Variants in SAMD11 observed in about 807,000 individuals in gnomAD.
The protein encoded by SAMD11 is sterile alpha motif domain containing 11, also known as sterile alpha motif domain-containing protein 11.
SAMD11 carries 77 observed loss-of-function variants against 64.4 expected under a neutral mutation model. That is an observed-to-expected ratio of 1.20 (90% CI 0.99 to 1.44). SAMD11 has a LOEUF of 1.44. Among genes scored for constraint, SAMD11 ranks in the 40% most tolerant of loss-of-function variants. The pLI, the probability that SAMD11 is intolerant of heterozygous loss-of-function variation, is 0.00. For missense variants in SAMD11, 1,402 were observed against 943.3 expected (o/e 1.49, Z -6.37); for synonymous variants, 658 against 421.9 (o/e 1.56, Z -6.86).
intron 5 of SAMD11, among the ~76,000 whole-genome samples, chr1:936,433 C>A (rs1033399796): frequency 8.0e-6 from 1 of 124,590 alleles, no homozygotes. Context: ...GGTCCCCGGT[C>A]GGTCCCGCCT....
intron 5 of SAMD11, among the ~76,000 whole-genome samples, chr1:937,015 C>T (rs1641491763): frequency 6.6e-6 from 1 of 152,136 alleles, no homozygotes; most frequent in African/African-American, 2.4e-5. Context: ...CGGCAGCTCT[C>T]ACCCATGGAG....
At chr1:933,704 A>G (rs1641275226) in intron 4 of SAMD11, among the ~76,000 whole-genome samples, 1 of 151,784 alleles carries the variant, frequency 6.6e-6, no homozygotes, top group Non-Finnish European at 1.5e-5. Flanking sequence ...TAATCCCATA[A>G]AGTACTTACT....
intron 7 of SAMD11, 57 bp from the exon 8 acceptor site, chr1:941,087 G>A (rs549710836): frequency 7.0e-5 from 104 of 1,478,752 alleles, no homozygotes; most frequent in Non-Finnish European, 7.8e-5. Context: ...CAGGACGCGG[G>A]CTGGGGAGGA....
Position 940,281 on chromosome 1 carries a change from TCA to T in SAMD11, c.1196-862_1196-861del, listed in dbSNP as rs1344388678. On this transcript the variant is annotated intron_variant, in intron 7 of 13. Transcript: ENST00000616016. The stretch of plus-strand genomic sequence containing the variant: ...CGGCCGCCGGGGAGCGCGCTGTCAA[TCA>T]GGCCGCGCCGCCGCCCCCCCCCCCC... 18 of 135,848 alleles carry T rather than the reference TCA, an allele frequency of 1.3e-4. No homozygotes were observed. The East Asian group carries it at 4.3e-3, about 33-fold the overall frequency. The allele number at this position is 135,848 out of a possible 1,614,324, so 8.4% of individuals were successfully genotyped here. A position where few individuals can be genotyped will look rare whatever the true frequency, so the allele number is the denominator to read the frequency against.
rs1222949810 is a variant in SAMD11 at position 942,144 on chromosome 1, C to T, written c.1367C>T (p.Pro456Leu). The T allele has an allele frequency of 7.4e-6, 10 of 1,356,066 alleles. No individual in the cohort carries two copies. Among genetic ancestry groups the T allele is most frequent in the Non-Finnish European group, 9.8e-6 (10 of 1,015,706 alleles). The allele number at this position is 1,356,066 out of a possible 1,614,324, so 84.0% of individuals were successfully genotyped here. The stretch of plus-strand genomic sequence containing the variant: ...TGCGCTGCCGTCCACAGGGAGCTGC[C>T]TCAGCCGCCCCCCTTGCTGTCGCCG... Reference protein sequence around the residue: ...AAPSFSERELPQPPPLLSPQN... With the variant: ...AAPSFSERELLQPPPLLSPQN... The change falls in exon 9 of 14, where the codon CCT becomes CTT. Residue 456 changes from proline to leucine, a missense_variant. Coordinates refer to ENST00000616016, the MANE Select transcript of SAMD11 (RefSeq NM_001385641.1).
intron 2 of SAMD11, among the ~76,000 whole-genome samples, chr1:927,752 G>A (rs1197473330): frequency 2.0e-5 from 3 of 152,256 alleles, no homozygotes; most frequent in African/African-American, 7.2e-5. Context: ...GTGCTGTCAG[G>A]GGCCGAGTTT....
At chr1:927,126 C>T (rs1428961198) in intron 2 of SAMD11, among the ~76,000 whole-genome samples, 1 of 152,188 alleles carries the variant, frequency 6.6e-6, no homozygotes, top group Non-Finnish European at 1.5e-5. Flanking sequence ...ACACACAATC[C>T]GACATGGACC....
In SAMD11 at chr1:930,242, A is replaced by G; in HGVS notation, c.697A>G (p.Ser233Gly). 1 of 1,602,126 alleles carries G rather than the reference A, an allele frequency of 6.2e-7. No individual in the cohort carries two copies. Among genetic ancestry groups the G allele is most frequent in the Non-Finnish European group, 8.5e-7 (1 of 1,174,936 alleles). Residue 233 changes from serine to glycine, a missense_variant, in exon 3 of 14, where the codon AGC becomes GGC. Ser to Gly is a moderately conservative substitution (Grantham distance 56). Coordinates refer to ENST00000616016, the MANE Select transcript of SAMD11 (RefSeq NM_001385641.1). ...KKERTPSFSA[S>G]DGDSDGSGPT... is the part of the protein sequence containing the mutation. ...GGAGCGAACTCCCAGCTTCTCTGCC[A>G]GCGATGGTGACAGCGACGGGAGTGG...
Position 943,341 on chromosome 1 carries a change from C to T in SAMD11, c.2142C>T (p.Phe714=), listed in dbSNP as rs959136628. The T allele has an allele frequency of 5.0e-6, 8 of 1,598,052 alleles. No homozygotes were observed. Among genetic ancestry groups the T allele is most frequent in the East Asian group, 4.5e-5 (2 of 44,444 alleles). Reference sequence around the variant, plus strand: ...GGACCGTGGATGACGTCTGCAGCTTCGTGGGGGGCCTGTCTGGCTGTGGAG... The same window carrying T: ...GGACCGTGGATGACGTCTGCAGCTTTGTGGGGGGCCTGTCTGGCTGTGGAG... ...TKWTVDDVCS[F]VGGLSGCGEY... Residue 714 remains phenylalanine, a synonymous_variant, in exon 12 of 14, where the codon TTC becomes TTT. Coordinates refer to ENST00000616016, the MANE Select transcript of SAMD11 (RefSeq NM_001385641.1).
chr1:943,808 G>T lies in SAMD11; in HGVS notation c.2289G>T (p.Gln763His). The T allele has an allele frequency of 6.2e-7, 1 of 1,612,914 alleles. No homozygotes were observed. ...GGCCCGCCCTCAAGATCCGGGCCCA[G>T]GTGAGACGCTGGGGAGTGAGGTCAG... is the stretch of plus-strand genomic sequence containing the variant. ...KLGPALKIRA[Q>H]VARRLGRVFY... is the part of the protein sequence containing the mutation. Residue 763 changes from glutamine to histidine, a missense_variant and splice_region_variant, in exon 13 of 14, where the codon CAG (glutamine) becomes CAT (histidine). Gln to His is a conservative substitution (Grantham distance 24). Transcript: ENST00000616016.
intron 8 of SAMD11, among the ~76,000 whole-genome samples, chr1:941,838 G>A (rs1557609373): frequency 6.6e-6 from 1 of 152,094 alleles, no homozygotes; most frequent in East Asian, 1.9e-4. Context: ...GGCTAATGAC[G>A]CCCCCGCTTC....
chr1:941,317 G>T lies in SAMD11; in HGVS notation c.1358+11G>T. 6.5e-7 allele frequency: 1 copy of T among 1,548,262 alleles called. No individual in the cohort carries two copies. Among genetic ancestry groups the T allele is most frequent in the East Asian group, 2.3e-5 (1 of 43,126 alleles). The stretch of plus-strand genomic sequence containing the variant: ...GTCCTTCTCGGAGAGGTACTGGGGT[G>T]GCTGCCGTTCTCTGCTTGTTTCTGG... On this transcript the variant is annotated intron_variant, in intron 8 of 13. Transcript: ENST00000616016.
At position 944,250 on chromosome 1, in the gene SAMD11, G is replaced by C; in HGVS notation, c.*97G>C. On this transcript the variant is annotated 3_prime_UTR_variant, in exon 14 of 14. Transcript: ENST00000616016. ...CACCGCTTTATTTCTTTCGGTTTCGGATGCAAAACAAAAAATTTTAAAAGA... is the reference window on the plus strand; with the variant it reads ...CACCGCTTTATTTCTTTCGGTTTCGCATGCAAAACAAAAAATTTTAAAAGA... 1 of 1,454,454 alleles carries C rather than the reference G, an allele frequency of 6.9e-7. No homozygotes were observed. The highest frequency in any genetic ancestry group is 9.1e-7 in the Non-Finnish European group (1 of 1,104,804). The allele number at this position is 1,454,454 out of a possible 1,614,324, so 90.1% of individuals were successfully genotyped here.
chr1:939,454 A>C (rs1205822649), intron 7 of SAMD11, 42 bp downstream of exon 7: 1 of 1,599,382 alleles, frequency 6.3e-7, no homozygotes, highest in East Asian at 2.3e-5. Context: ...TCACCTCCCC[A>C]GCCACGGTGA....
intron 5 of SAMD11, among the ~76,000 whole-genome samples, chr1:936,218 G>A (rs1163364814): frequency 2.0e-5 from 3 of 152,130 alleles, no homozygotes; most frequent in Admixed American, 6.5e-5. Context: ...ACGCACTCCC[G>A]CAGCGCACGC....
At position 943,748 on chromosome 1, in the gene SAMD11, G is replaced by C; in HGVS notation, c.2229G>C (p.Glu743Asp). The C allele has an allele frequency of 1.9e-6, 3 of 1,609,826 alleles. No homozygotes were observed. Among genetic ancestry groups the C allele is most frequent in the Non-Finnish European group, 2.5e-6 (3 of 1,178,250 alleles). Residue 743 changes from glutamate (E) to aspartate (D), a missense_variant, in exon 13 of 14, where the codon GAG becomes GAC. Physicochemically the swap from Glu to Asp is conservative, Grantham distance 45. Transcript: ENST00000616016. The part of the protein sequence containing the change: ...IDGETLPLLT[E>D]EHLLTNMGLK... ...GGGAGACCCTGCCACTGCTGACGGA[G>C]GAGCACCTGCTGACCAACATGGGGC...
chr1:932,268 A>G (rs1282889342), intron 4 of SAMD11, among the ~76,000 whole-genome samples: 1 of 151,932 alleles, frequency 6.6e-6, no homozygotes, highest in African/African-American at 2.4e-5. Flanking sequence ...GGTCCCCCCG[A>G]CCCCGCTCCA....
At chr1:930,474 G>A (rs1569871162) in intron 3 of SAMD11, 138 bp downstream of exon 3, 1 of 990,460 alleles carries the variant, frequency 1.0e-6, no homozygotes, top group Non-Finnish European at 1.5e-6. Flanking sequence ...GGGGTCCTGT[G>A]TGGGTCGCAG....
At chr1:935,960 C>T (rs1641412038) in intron 5 of SAMD11, 64 bp downstream of exon 5, 1 of 1,518,244 alleles carries the variant, frequency 6.6e-7, no homozygotes, top group South Asian at 1.2e-5. Flanking sequence ...GGTGGCGTCT[C>T]CACTCAGCAC....
Sources: gnomAD v4.1 joint callset for allele counts (sites outside exome capture counted in the v4.1 genomes callset) on GRCh38, gnomAD v4.1.1 for gene constraint, MANE v1.5 for transcripts, NCBI Gene and HGNC (gene_info 2026-07-23, HGNC 2026-07-21) for gene names.